STK3: variants seen among roughly 807,000 people sequenced by gnomAD.
STK3 encodes serine/threonine-protein kinase 3.
Under a neutral mutation model 58.0 loss-of-function variants are expected in STK3, and 41 were observed. The ratio of observed to expected loss-of-function variants is 0.71; its 90% CI spans 0.55 to 0.92. The LOEUF (loss-of-function observed/expected upper bound fraction) is 0.92, where lower values mean the gene tolerates loss of function less well. STK3 is among the 40% of genes least tolerant of loss of function. The probability of loss-of-function intolerance (pLI) is 0.00; values close to 1 mark genes in which losing one functional copy is unlikely to be tolerated. For synonymous variants in STK3, 170 were observed against 191.0 expected (o/e 0.89, Z 0.91); for missense variants, 479 against 602.7 (o/e 0.79, Z 2.15).
chr8:98,558,991 A>C (rs755571105), intron 8 of STK3, among the ~76,000 whole-genome samples: 1 of 152,124 alleles, frequency 6.6e-6, no homozygotes, highest in Non-Finnish European at 1.5e-5. Flanking sequence ...TCCTGATAAA[A>C]ATGAAATTCT....
chr8:98,767,410 A>G, intron 2 of STK3, 39 bp from the exon 3 acceptor site: 1 of 1,534,864 alleles, frequency 6.5e-7, no homozygotes, highest in Non-Finnish European at 8.7e-7. Context: ...CCTATCAAAC[A>G]TCGTAACTAT....
intron 3 of STK3, among the ~76,000 whole-genome samples, chr8:98,420,495 C>G (rs769144120): frequency 2.6e-5 from 4 of 152,112 alleles, no homozygotes; most frequent in Non-Finnish European, 5.9e-5. Context: ...AGGATTGGTA[C>G]TATCTGTAGT....
chr8:98,755,687 G>A (rs1045218291), intron 3 of STK3, among the ~76,000 whole-genome samples: 3 of 152,214 alleles, frequency 2.0e-5, no homozygotes, highest in Non-Finnish European at 4.4e-5. Flanking sequence ...CACTTTCTAA[G>A]TCAGCACCTT....
At chr8:98,589,557 C>G (rs551941365) in intron 7 of STK3, among the ~76,000 whole-genome samples, 35 of 152,354 alleles carry the variant, frequency 2.3e-4, no homozygotes, top group African/African-American at 8.4e-4. Context: ...TTTTGTTTGT[C>G]TGTGCCCTGC....
chr8:98,514,657 C>T (rs1319771221), intron 10 of STK3, among the ~76,000 whole-genome samples: 1 of 152,002 alleles, frequency 6.6e-6, no homozygotes, highest in Non-Finnish European at 1.5e-5. Flanking sequence ...CCAGCCTCTG[C>T]TCACTGTTCC....
At chr8:98,936,397 C>A (rs1220137911) in intron 1 of STK3, among the ~76,000 whole-genome samples, 1 of 152,112 alleles carries the variant, frequency 6.6e-6, no homozygotes, top group Non-Finnish European at 1.5e-5. Context: ...TCCCAGTAGA[C>A]CATAGCTCCA....
chr8:98,541,860 A>G (rs1392771593), intron 9 of STK3, among the ~76,000 whole-genome samples: 3 of 152,206 alleles, frequency 2.0e-5, no homozygotes, highest in Non-Finnish European at 4.4e-5. Context: ...TCTTCTCAGT[A>G]ATCTATGCTG....
chr8:98,346,916 T>G, the STK3 span, among the ~76,000 whole-genome samples: 3 of 151,858 alleles, frequency 2.0e-5, no homozygotes, highest in Non-Finnish European at 2.9e-5. Context: ...AACTTTTCCT[T>G]ATCATTTAAA....
the STK3 span, among the ~76,000 whole-genome samples, chr8:98,349,848 G>A: frequency 6.6e-6 from 1 of 152,072 alleles, no homozygotes; most frequent in Non-Finnish European, 1.5e-5. Flanking sequence ...ACAGCAGAGG[G>A]ACCCTAGGCC....
At chr8:98,870,408 A>G in intron 3 of STK3, among the ~76,000 whole-genome samples, 1 of 152,162 alleles carries the variant, frequency 6.6e-6, no homozygotes, top group East Asian at 1.9e-4. Context: ...CATCCTTCAG[A>G]AATCGCCACA....
intron 6 of STK3, among the ~76,000 whole-genome samples, chr8:98,610,601 C>T (rs951618930): frequency 6.6e-6 from 1 of 152,192 alleles, no homozygotes; most frequent in African/African-American, 2.4e-5. Context: ...TCTTGTCCAT[C>T]ACTAGCCTGG....
At chr8:98,844,434 C>T (rs1408844733) in intron 3 of STK3, among the ~76,000 whole-genome samples, 4 of 152,082 alleles carry the variant, frequency 2.6e-5, no homozygotes, top group Admixed American at 6.6e-5. Flanking sequence ...AGGGGGCTGA[C>T]AGTATCCCAA....
intron 4 of STK3, among the ~76,000 whole-genome samples, chr8:98,710,324 G>C (rs933004325): frequency 2.0e-5 from 3 of 152,196 alleles, no homozygotes; most frequent in Admixed American, 1.3e-4. Context: ...CACTGAGCAT[G>C]AGCTGAAGCA....
intron 10 of STK3, among the ~76,000 whole-genome samples, chr8:98,483,315 G>C (rs1431375250): frequency 6.6e-6 from 1 of 152,196 alleles, no homozygotes; most frequent in Non-Finnish European, 1.5e-5. Context: ...TTGGATTAGT[G>C]ATGTCACAGG....
At chr8:98,748,320 G>C (rs1829769321) in intron 4 of STK3, among the ~76,000 whole-genome samples, 1 of 152,054 alleles carries the variant, frequency 6.6e-6, no homozygotes, top group South Asian at 2.1e-4. Context: ...TATATCATTA[G>C]CAGAATGTCA....
intron 3 of STK3, among the ~76,000 whole-genome samples, chr8:98,753,535 C>A (rs1414660494): frequency 2.0e-5 from 3 of 151,962 alleles, no homozygotes; most frequent in Non-Finnish European, 4.4e-5. Context: ...GGCTTAATAC[C>A]TGGGTGATAA....
chr8:98,508,235 T>TTTTATG (rs1824242048), intron 10 of STK3, among the ~76,000 whole-genome samples: 8 of 152,124 alleles, frequency 5.3e-5, no homozygotes, highest in Admixed American at 5.2e-4. Context: ...AGACTTCAAG[T>TTTTATG]TTTTATCTAT....
chr8:98,735,667 A>G (rs1828522630), intron 4 of STK3, among the ~76,000 whole-genome samples: 1 of 152,146 alleles, frequency 6.6e-6, no homozygotes, highest in East Asian at 1.9e-4. Flanking sequence ...TCCTAATTCT[A>G]GTACCACTAC....
chr8:98,858,323 T>TATATATATATATATATAG (rs1189807446), intron 3 of STK3, among the ~76,000 whole-genome samples: 1 of 16,276 alleles, frequency 6.1e-5, no homozygotes, highest in Non-Finnish European at 1.0e-4. Context: ...TATATATATA[T>TATATATATATATATATAG]AGAGAGAGAG....
Sources: allele counts gnomAD v4.1 joint callset (sites outside exome capture counted in the v4.1 genomes callset), GRCh38; gene constraint gnomAD v4.1.1; transcripts MANE v1.5; gene names NCBI Gene and HGNC (gene_info 2026-07-23, HGNC 2026-07-21).